Variants in LINGO2 observed in about 807,000 individuals in gnomAD.
LINGO2 encodes the protein leucine-rich repeat and immunoglobulin-like domain-containing nogo receptor-interacting protein 2.
Under a neutral mutation model 30.6 loss-of-function variants are expected in LINGO2, and 14 were observed. The ratio of observed to expected loss-of-function variants is 0.46; its 90% CI spans 0.30 to 0.72. LINGO2 has a LOEUF of 0.72. Among genes scored for constraint, LINGO2 ranks in the 30% least tolerant of loss-of-function variants. The pLI, the probability that LINGO2 is intolerant of heterozygous loss-of-function variation, is 0.07. For synonymous variants in LINGO2, 317 were observed against 288.5 expected (o/e 1.10, Z -1.00); for missense variants, 729 against 751.7 (o/e 0.97, Z 0.35).
chr9:29,176,917 G>A, the LINGO2 span, among the ~76,000 whole-genome samples: 4 of 152,110 alleles, frequency 2.6e-5, no homozygotes, highest in Non-Finnish European at 4.4e-5. Flanking sequence ...GGAAGAATTC[G>A]AATCAAGAGA....
intron 1 of LINGO2, among the ~76,000 whole-genome samples, chr9:28,587,390 C>T (rs1490998336): frequency 6.6e-6 from 1 of 152,024 alleles, no homozygotes; most frequent in Non-Finnish European, 1.5e-5. Context: ...GTTGCTGCTC[C>T]TCTTCACCTT....
chr9:28,039,600 G>A (rs1455591274), intron 4 of LINGO2, among the ~76,000 whole-genome samples: 2 of 152,036 alleles, frequency 1.3e-5, no homozygotes, highest in African/African-American at 2.4e-5. Context: ...TTTGGACTCT[G>A]TATATAAACA....
At chr9:28,502,199 T>A (rs758342998) in intron 1 of LINGO2, among the ~76,000 whole-genome samples, 1 of 151,264 alleles carries the variant, frequency 6.6e-6, no homozygotes, top group Non-Finnish European at 1.5e-5. Flanking sequence ...CGCACAATCT[T>A]CTTCCAAAGA....
intron 4 of LINGO2, among the ~76,000 whole-genome samples, chr9:28,204,660 GA>G (rs547005227): frequency 1.3e-5 from 2 of 152,136 alleles, no homozygotes; most frequent in South Asian, 4.2e-4. Flanking sequence ...GTATCATTTG[GA>G]TTAGTTACTT....
chr9:28,449,037 GTGTGT>G, intron 2 of LINGO2, among the ~76,000 whole-genome samples: 1 of 125,958 alleles, frequency 7.9e-6, no homozygotes, highest in Admixed American at 7.4e-5. Context: ...ACATTCGTGT[GTGTGT>G]GTGTGTGTGT....
the LINGO2 span, among the ~76,000 whole-genome samples, chr9:29,009,779 A>G: frequency 2.6e-4 from 39 of 152,168 alleles, no homozygotes; most frequent in African/African-American, 9.2e-4. Flanking sequence ...ACTTCAAACT[A>G]TACTACAAGG....
chr9:28,848,126 CT>C, the LINGO2 span, among the ~76,000 whole-genome samples: 34 of 88,816 alleles, frequency 3.8e-4, no homozygotes, highest in African/African-American at 1.3e-3. Flanking sequence ...TATATATACA[CT>C]ATATATAGCA....
intron 4 of LINGO2, among the ~76,000 whole-genome samples, chr9:28,182,935 G>GACTC (rs1362818910): frequency 6.6e-6 from 1 of 152,136 alleles, no homozygotes; most frequent in African/African-American, 2.4e-5. Flanking sequence ...AATACCATTT[G>GACTC]ACTCAGCAAT....
the LINGO2 span, among the ~76,000 whole-genome samples, chr9:29,194,079 G>C: frequency 3.3e-5 from 5 of 152,174 alleles, no homozygotes; most frequent in African/African-American, 9.7e-5. Context: ...CTGAGCTGCA[G>C]CTTCCTTCTC....
At chr9:28,187,147 G>T (rs148168868) in intron 4 of LINGO2, among the ~76,000 whole-genome samples, 46 of 152,186 alleles carry the variant, frequency 3.0e-4, no homozygotes, top group African/African-American at 1.1e-3. Flanking sequence ...GAAAATGTGG[G>T]TATATTTTAA....
At chr9:28,625,425 T>C (rs1826615561) in intron 1 of LINGO2, among the ~76,000 whole-genome samples, 6 of 152,132 alleles carry the variant, frequency 3.9e-5, no homozygotes, top group Admixed American at 3.9e-4. Context: ...CTTTCAGTGA[T>C]GTGGCATTAA....
At chr9:28,554,123 G>T (rs1460725674) in intron 1 of LINGO2, among the ~76,000 whole-genome samples, 2 of 151,318 alleles carry the variant, frequency 1.3e-5, no homozygotes, top group Non-Finnish European at 2.9e-5. Flanking sequence ...ACATCATAAT[G>T]ACAGGATCAA....
chr9:28,443,113 G>T (rs567719548), intron 2 of LINGO2, among the ~76,000 whole-genome samples: 1 of 152,232 alleles, frequency 6.6e-6, no homozygotes, highest in South Asian at 2.1e-4. Context: ...GAAAAATGAC[G>T]TAATAGGAAA....
At chr9:28,145,329 T>C (rs1319411526) in intron 4 of LINGO2, among the ~76,000 whole-genome samples, 2 of 152,230 alleles carry the variant, frequency 1.3e-5, no homozygotes, top group Admixed American at 6.5e-5. Context: ...GTCTAAACTA[T>C]GAGGTACTAT....
chr9:28,388,289 C>A (rs1423740124), intron 2 of LINGO2, among the ~76,000 whole-genome samples: 1 of 151,916 alleles, frequency 6.6e-6, no homozygotes, highest in Non-Finnish European at 1.5e-5. Context: ...TGTGAAAATA[C>A]CCCATTATCC....
chr9:28,154,355 C>T (rs1177686185), intron 4 of LINGO2, among the ~76,000 whole-genome samples: 1 of 152,150 alleles, frequency 6.6e-6, no homozygotes, highest in African/African-American at 2.4e-5. Flanking sequence ...CTCTGTTGGG[C>T]CACAATTCAA....
At chr9:28,321,826 A>G (rs912799968) in intron 3 of LINGO2, among the ~76,000 whole-genome samples, 2 of 152,170 alleles carry the variant, frequency 1.3e-5, no homozygotes, top group African/African-American at 4.8e-5. Flanking sequence ...ACACCCACCA[A>G]TGAAGAGATA....
chr9:28,195,149 G>T, intron 4 of LINGO2, among the ~76,000 whole-genome samples: 1 of 152,038 alleles, frequency 6.6e-6, no homozygotes, highest in East Asian at 1.9e-4. Context: ...AGTCAAAGCA[G>T]AATTACAGAC....
the LINGO2 span, among the ~76,000 whole-genome samples, chr9:28,794,088 G>C: frequency 6.6e-6 from 1 of 152,068 alleles, no homozygotes; most frequent in Non-Finnish European, 1.5e-5. Flanking sequence ...GGCGGATCAC[G>C]AGGTCAAGAG....
Sources: gnomAD v4.1 joint callset for allele counts (sites outside exome capture counted in the v4.1 genomes callset) on GRCh38, gnomAD v4.1.1 for gene constraint, MANE v1.5 for transcripts, NCBI Gene and HGNC (gene_info 2026-07-23, HGNC 2026-07-21) for gene names.